The following USH2A variants were observed in gnomAD, a reference collection of about 807,000 sequenced individuals.
USH2A encodes Usher syndrome 2A (autosomal recessive, mild).
A neutral mutation model predicts 538.9 loss-of-function variants in USH2A; 443 were observed. The observed-to-expected ratio is 0.82, with a 90% CI of 0.76 to 0.89. USH2A has a LOEUF of 0.89. USH2A is among the 40% of genes least tolerant of loss of function. USH2A has a pLI of 0.00. For missense variants in USH2A, 6,633 were observed against 6,324.8 expected, an observed-to-expected ratio of 1.05 and a Z score of -1.65; for synonymous variants, 2,413 against 2,273.5, an observed-to-expected ratio of 1.06 and a Z score of -1.75.
intron 71 of USH2A, among the ~76,000 whole-genome samples, chr1:215,628,564 T>C (rs916547856): frequency 1.3e-5 from 2 of 152,232 alleles, no homozygotes; most frequent in African/African-American, 2.4e-5. Flanking sequence ...ATTACAGGCA[T>C]GAGCCACCAC....
chr1:216,175,173 A>T (rs2102640757), intron 21 of USH2A, 79 bp downstream of exon 21: 1 of 1,589,098 alleles, frequency 6.3e-7, no homozygotes, highest in African/African-American at 1.4e-5. Context: ...ATAAAAATTC[A>T]TTGTAAAGGG....
chr1:215,765,428 G>A (rs780562912), intron 56 of USH2A, among the ~76,000 whole-genome samples: 2 of 152,054 alleles, frequency 1.3e-5, no homozygotes, highest in Non-Finnish European at 2.9e-5. Flanking sequence ...CTAATATTCC[G>A]AGGTACAACA....
chr1:216,388,413 C>T (rs77088230), intron 3 of USH2A, among the ~76,000 whole-genome samples: 1,942 of 152,190 alleles, frequency 0.013, 54 homozygotes, highest in African/African-American at 0.045. Context: ...TCAGTTGTTG[C>T]TGCTAGTAAC....
At chr1:215,765,722 T>C (rs978381158) in intron 56 of USH2A, among the ~76,000 whole-genome samples, 26 of 152,216 alleles carry the variant, frequency 1.7e-4, no homozygotes, top group African/African-American at 6.3e-4. Context: ...CATTTATTTA[T>C]TAACCATTAA....
At chr1:216,292,517 G>A in intron 9 of USH2A, 147 bp from the exon 10 acceptor site, 1 of 880,130 alleles carries the variant, frequency 1.1e-6, no homozygotes, top group Non-Finnish European at 1.7e-6. Flanking sequence ...TATTTCGTAA[G>A]TCAGAAATAG....
intron 64 of USH2A, among the ~76,000 whole-genome samples, chr1:215,664,039 C>T (rs920285655): frequency 6.6e-6 from 1 of 152,088 alleles, no homozygotes; most frequent in Admixed American, 6.6e-5. Flanking sequence ...CCCAGGTTTC[C>T]AGGACCTGGT....
At chr1:216,089,217 A>T (rs2032231431) in intron 22 of USH2A, 78 bp from the exon 23 acceptor site, 2 of 1,466,996 alleles carry the variant, frequency 1.4e-6, no homozygotes, top group African/African-American at 1.4e-5. Flanking sequence ...GTTATAAACC[A>T]ATTTACAAGT....
intron 46 of USH2A, among the ~76,000 whole-genome samples, chr1:215,841,938 G>A (rs759735489): frequency 6.6e-6 from 1 of 151,844 alleles, no homozygotes; most frequent in Admixed American, 6.6e-5. Context: ...AACATATAAA[G>A]CTTACTATAT....
intron 21 of USH2A, among the ~76,000 whole-genome samples, chr1:216,167,426 C>G (rs1003937104): frequency 2.0e-5 from 3 of 152,076 alleles, no homozygotes; most frequent in Non-Finnish European, 4.4e-5. Flanking sequence ...CTCAAGCATG[C>G]GCACTAAGAG....
intron 38 of USH2A, among the ~76,000 whole-genome samples, chr1:215,917,780 C>CAAAAAAAAA (rs869080030): frequency 4.5e-5 from 4 of 89,618 alleles, no homozygotes; most frequent in Admixed American, 1.5e-4. Context: ...CCTATCACTA[C>CAAAAAAAAA]AAAAAAAAAA....
intron 54 of USH2A, 73 bp downstream of exon 54, chr1:215,781,969 A>C: frequency 6.3e-7 from 1 of 1,598,102 alleles, no homozygotes. Context: ...TGAAAAAAGC[A>C]GTCACAACCT....
rs188685129 is a variant in USH2A at position 216,203,971 on chromosome 1, G to A, written c.3316+3302C>T. ...AATCTGGGGAGTCAGGGTGTAGGGA[G>A]CAAATTATGTGCAGATCAGCCCATT... On this transcript the variant is annotated intron_variant, in intron 16 of 71. Transcript: ENST00000307340. The A allele has an allele frequency of 7.4e-5, 12 of 162,498 alleles. 1 individual carries two copies. In the East Asian group the frequency reaches 2.1e-3, roughly 29 times the overall value. The allele number at this position is 162,498 out of a possible 1,614,324, so 10.1% of individuals were successfully genotyped here.
At chr1:216,206,916 AT>A (rs1169765310) in intron 16 of USH2A, among the ~76,000 whole-genome samples, 1 of 152,134 alleles carries the variant, frequency 6.6e-6, no homozygotes, top group Non-Finnish European at 1.5e-5. Flanking sequence ...AAAAGGAAAG[AT>A]TTTTTCATAG....
chr1:216,180,694 G>C (rs1359733698), intron 20 of USH2A, among the ~76,000 whole-genome samples: 3 of 152,056 alleles, frequency 2.0e-5, no homozygotes, highest in Non-Finnish European at 4.4e-5. Flanking sequence ...AGCTTTCTAT[G>C]ATGATGACAA....
intron 3 of USH2A, among the ~76,000 whole-genome samples, chr1:216,413,854 A>G (rs2039533019): frequency 6.6e-6 from 1 of 152,106 alleles, no homozygotes; most frequent in South Asian, 2.1e-4. Context: ...TAATTACTAG[A>G]AGGATGACTA....
intron 70 of USH2A, among the ~76,000 whole-genome samples, chr1:215,631,496 G>A (rs965238400): frequency 1.3e-5 from 2 of 152,180 alleles, no homozygotes; most frequent in Non-Finnish European, 2.9e-5. Context: ...CCAACTTTGT[G>A]AGAGCAGTTT....
At chr1:215,678,747 C>T (rs544240309) in intron 62 of USH2A, among the ~76,000 whole-genome samples, 14 of 152,316 alleles carry the variant, frequency 9.2e-5, no homozygotes, top group African/African-American at 3.4e-4. Context: ...CGTGCACTCA[C>T]ACACGGTCTG....
intron 38 of USH2A, among the ~76,000 whole-genome samples, chr1:215,933,045 A>G (rs1199094093): frequency 6.6e-6 from 1 of 152,010 alleles, no homozygotes. Flanking sequence ...TTTTATGAAT[A>G]TGATATAAAT....
Position 215,674,193 on chromosome 1 carries a change from A to C in USH2A, c.13718T>G (p.Phe4573Cys). ...GTGTATGATTTTAGTTTCTCTTTCAAATAGTTCACGGATGAAGAGGGTATA... is the reference window on the plus strand; with the variant it reads ...GTGTATGATTTTAGTTTCTCTTTCACATAGTTCACGGATGAAGAGGGTATA... ...INYTLFIREL[F>C]ERETKIIHIN... Residue 4573 changes from phenylalanine (F) to cysteine (C), a missense_variant, in exon 63 of 72, where the codon TTT (phenylalanine) becomes TGT (cysteine). Coordinates refer to ENST00000307340, the MANE Select transcript of USH2A (RefSeq NM_206933.4). The C allele has an allele frequency of 6.2e-7, 1 of 1,614,076 alleles. No homozygotes were observed. Among genetic ancestry groups the C allele is most frequent in the South Asian group, 1.1e-5 (1 of 91,074 alleles).
Sources: allele counts gnomAD v4.1 joint callset (sites outside exome capture counted in the v4.1 genomes callset), GRCh38; gene constraint gnomAD v4.1.1; transcripts MANE v1.5; gene names NCBI Gene and HGNC (gene_info 2026-07-23, HGNC 2026-07-21).